Variants in SLFN12 observed in about 807,000 individuals in gnomAD.
The protein encoded by SLFN12 is schlafen family member 12, also known as ribonuclease SLFN12.
SLFN12 carries 25 observed loss-of-function variants against 29.1 expected under a neutral mutation model. The observed-to-expected ratio is 0.86, with a 90% CI of 0.63 to 1.20. The LOEUF (loss-of-function observed/expected upper bound fraction) is 1.20, where lower values mean the gene tolerates loss of function less well. SLFN12 is among the 50% of genes most tolerant of loss of function. The probability of loss-of-function intolerance (pLI) is 0.00; values close to 1 mark genes in which losing one functional copy is unlikely to be tolerated. For missense variants in SLFN12, 660 were observed against 666.2 expected (o/e 0.99, Z 0.10); for synonymous variants, 257 against 238.7 (o/e 1.08, Z -0.71).
chr17:35,427,428 G>T (rs1001709137), intron 1 of SLFN12, among the ~76,000 whole-genome samples: 1 of 151,970 alleles, frequency 6.6e-6, no homozygotes, highest in Non-Finnish European at 1.5e-5. Flanking sequence ...TTAAGATTTT[G>T]CACCCATGAT....
rs144358150 is a variant in SLFN12, at chr17:35,413,676, G to A, written c.1148-1749C>T. Among the ~76,000 whole-genome samples the A allele has an allele frequency of 1.9e-3, 291 of 151,480 alleles. 2 individuals carry two copies. Among genetic ancestry groups the A allele is most frequent in the Middle Eastern group, 3.4e-3 (1 of 292 alleles). On this transcript the variant is annotated intron_variant, in intron 3 of 3. Coordinates refer to ENST00000304905, the MANE Select transcript of SLFN12 (RefSeq NM_018042.5). ...AAGTAAGAGAATCGCTTGAACCCGG[G>A]AGGTGGAGGTTGCAGGGTGCCAAGA...
intron 1 of SLFN12, among the ~76,000 whole-genome samples, chr17:35,423,523 G>A (rs1258173210): frequency 6.6e-6 from 1 of 151,784 alleles, no homozygotes; most frequent in Non-Finnish European, 1.5e-5. Flanking sequence ...AAGATTTCCC[G>A]TTAAGGTCTA....
chr17:35,423,006 T>C lies in SLFN12; in HGVS notation c.23A>G (p.Glu8Gly). Residue 8 changes from glutamate to glycine, a missense_variant, in exon 2 of 4, where the codon GAA becomes GGA. By Grantham distance (98) the Glu-to-Gly change is moderately conservative. Coordinates refer to ENST00000304905, the MANE Select transcript of SLFN12 (RefSeq NM_018042.5). ...TAGAACCAACTCGGCATAATTCGTTTCCAAATCAACACTGATGTTCATTTT... is the reference window on the plus strand; with the variant it reads ...TAGAACCAACTCGGCATAATTCGTTCCCAAATCAACACTGATGTTCATTTT... The part of the protein sequence containing the change: MNISVDL[E>G]TNYAELVLDV... The C allele has an allele frequency of 1.9e-6, 3 of 1,611,962 alleles. No individual in the cohort carries two copies. Among genetic ancestry groups the C allele is most frequent in the Middle Eastern group, 1.7e-4 (1 of 6,050 alleles).
chr17:35,413,189 AG>A (rs1311030778), intron 3 of SLFN12, among the ~76,000 whole-genome samples: 5 of 152,118 alleles, frequency 3.3e-5, no homozygotes, highest in African/African-American at 1.2e-4. Context: ...ATATTTGAAG[AG>A]ATAAACAATT....
Position 35,422,224 on chromosome 17 carries a change from T to C in SLFN12, c.805A>G (p.Arg269Gly). 3 of 1,614,174 alleles carry C rather than the reference T, an allele frequency of 1.9e-6. No individual in the cohort carries two copies. Among genetic ancestry groups the C allele is most frequent in the Non-Finnish European group, 2.5e-6 (3 of 1,180,024 alleles). Residue 269 changes from arginine to glycine, a missense_variant, in exon 2 of 4, where the codon AGG (arginine) becomes GGG (glycine). Coordinates refer to ENST00000304905, the MANE Select transcript of SLFN12 (RefSeq NM_018042.5). Reference protein sequence around the residue: ...DLEREIEKSIRKMPVHHFCME... With the variant: ...DLEREIEKSIGKMPVHHFCME... ...CAGAAGTGATGCACAGGCATCTTCC[T>C]AATGGACTTTTCGATTTCTCTTTCT...
In SLFN12 at chr17:35,411,534, G is replaced by T; in HGVS notation, c.1541C>A (p.Ser514Ter). 1 of 1,613,978 alleles carries T rather than the reference G, an allele frequency of 6.2e-7. No homozygotes were observed. Among genetic ancestry groups the T allele is most frequent in the Non-Finnish European group, 8.5e-7 (1 of 1,179,982 alleles). The change falls in exon 4 of 4, where the codon TCG becomes TAG. Residue 514 changes from serine to a stop codon, truncating the protein, a stop_gained. Transcript: ENST00000304905. LOFTEE classifies it low-confidence loss of function (END_TRUNC). Reference sequence around the variant, plus strand: ...GTAGGATTCAGGGTAAATTACTTGCGACCTTAAATCATACTGGCAGCTTGT... The same window carrying T: ...GTAGGATTCAGGGTAAATTACTTGCTACCTTAAATCATACTGGCAGCTTGT... ...GMTSCQYDLR[S>*]QVIYPESYYF...
At chr17:35,432,608 G>C (rs1327129415), upstream of SLFN12, 1 of 152,144 alleles carries the variant, frequency 6.6e-6, no homozygotes, top group Non-Finnish European at 1.5e-5. Flanking sequence ...ACTTGGCCCT[G>C]GAGACCAGTC....
In SLFN12 at chr17:35,423,005, T is replaced by C. The variant is rs1255029743; in HGVS notation, c.24A>G (p.Glu8=). The change falls in exon 2 of 4, where the codon GAA becomes GAG. Residue 8 remains glutamate (E), a synonymous_variant. Transcript: ENST00000304905. ...CTAGAACCAACTCGGCATAATTCGT[T>C]TCCAAATCAACACTGATGTTCATTT... is the stretch of plus-strand genomic sequence containing the variant. MNISVDL[E]TNYAELVLDV... 1 of 1,611,996 alleles carries C rather than the reference T, an allele frequency of 6.2e-7. No homozygotes were observed. The highest frequency in any genetic ancestry group is 1.1e-5 in the South Asian group (1 of 90,860).
At position 35,411,185 on chromosome 17, in the gene SLFN12, T is replaced by G; in HGVS notation, c.*153A>C. 1 of 569,136 alleles carries G rather than the reference T, an allele frequency of 1.8e-6. No individual in the cohort carries two copies. The allele number at this position is 569,136 out of a possible 1,614,324, so 35.3% of individuals were successfully genotyped here. On this transcript the variant is annotated 3_prime_UTR_variant, in exon 4 of 4. Transcript: ENST00000304905. Reference sequence around the variant, plus strand: ...CCTCAAACAATATCTGTGAAGATTATTTAGGGAGAAGTGAAAATAGACAAA... The same window carrying G: ...CCTCAAACAATATCTGTGAAGATTAGTTAGGGAGAAGTGAAAATAGACAAA...
Position 35,422,270 on chromosome 17 carries a change from C to T in SLFN12, c.759G>A (p.Glu253=), listed in dbSNP as rs138504658. ...EDKEIIGFKA[E]MSDLDDLERE... is the part of the protein sequence containing the mutation. ...TTTCTAAGTCATCGAGGTCACTCAT[C>T]TCTGCTTTAAAGCCAATTATTTCTT... The change falls in exon 2 of 4, where the codon GAG becomes GAA. Residue 253 remains glutamate (E), a synonymous_variant. Coordinates refer to ENST00000304905, the MANE Select transcript of SLFN12 (RefSeq NM_018042.5). 1.9e-6 allele frequency: 3 copies of T among 1,613,960 alleles called. No individual in the cohort carries two copies. The highest frequency in any genetic ancestry group is 2.5e-6 in the Non-Finnish European group (3 of 1,180,002).
Position 35,411,673 on chromosome 17 carries a change from C to T in SLFN12, c.1402G>A (p.Gly468Ser). ...FHMVQDEEFKGYSTQTALTLK... is the reference protein window; with the variant it reads ...FHMVQDEEFKSYSTQTALTLK... ...GTTAGGGCAGTTTGTGTAGAATAGCCTTTAAACTCCTCATCCTGTACCATG... is the reference window on the plus strand; with the variant it reads ...GTTAGGGCAGTTTGTGTAGAATAGCTTTTAAACTCCTCATCCTGTACCATG... The change falls in exon 4 of 4, where the codon GGC becomes AGC. Residue 468 changes from glycine to serine, a missense_variant. Physicochemically the swap from Gly to Ser is moderately conservative, Grantham distance 56. Coordinates refer to ENST00000304905, the MANE Select transcript of SLFN12 (RefSeq NM_018042.5). The T allele has an allele frequency of 1.2e-6, 2 of 1,613,984 alleles. No individual in the cohort carries two copies. Among genetic ancestry groups the T allele is most frequent in the Non-Finnish European group, 1.7e-6 (2 of 1,179,994 alleles).
At chr17:35,417,717 T>C (rs1312215299) in intron 3 of SLFN12, among the ~76,000 whole-genome samples, 1 of 152,130 alleles carries the variant, frequency 6.6e-6, no homozygotes, top group Non-Finnish European at 1.5e-5. Context: ...TATTTGTTTA[T>C]ACAAAATGTA....
chr17:35,418,680 A>G (rs1263258691), intron 3 of SLFN12, among the ~76,000 whole-genome samples: 1 of 142,668 alleles, frequency 7.0e-6, no homozygotes, highest in East Asian at 2.0e-4. Context: ...CCGATTTTCG[A>G]CTGCACCTTT....
chr17:35,414,994 G>A (rs530475956), intron 3 of SLFN12, among the ~76,000 whole-genome samples: 32 of 150,532 alleles, frequency 2.1e-4, no homozygotes, highest in Admixed American at 8.6e-4. Flanking sequence ...ATCATTCTTC[G>A]CAGAACTAGA....
intron 1 of SLFN12, among the ~76,000 whole-genome samples, chr17:35,429,243 G>A (rs1264310192): frequency 6.6e-6 from 1 of 152,024 alleles, no homozygotes; most frequent in African/African-American, 2.4e-5. Context: ...ATACCACTGA[G>A]AAACTTGGAA....
rs1006527686 is a variant in SLFN12 at position 35,423,160 on chromosome 17, G to A, written c.-40-92C>T. ...GGCAAATGCAAAAAAATCCTGTGCT[G>A]TATATATTCTACTAGACTGGTAAGT... On this transcript the variant is annotated intron_variant, in intron 1 of 3. Transcript: ENST00000304905. The A allele has an allele frequency of 3.6e-6, 5 of 1,390,746 alleles. No homozygotes were observed. In the African/African-American group the frequency reaches 7.2e-5, roughly 20 times the overall value. The allele number at this position is 1,390,746 out of a possible 1,614,324, so 86.2% of individuals were successfully genotyped here.
At chr17:35,413,999 C>A (rs1487807298) in intron 3 of SLFN12, among the ~76,000 whole-genome samples, 1 of 151,944 alleles carries the variant, frequency 6.6e-6, no homozygotes, top group Non-Finnish European at 1.5e-5. Flanking sequence ...ACAGCAAAGA[C>A]CATATATAAA....
At chr17:35,420,072 C>T (rs1911533501) in intron 3 of SLFN12, among the ~76,000 whole-genome samples, 1 of 152,018 alleles carries the variant, frequency 6.6e-6, no homozygotes, top group Non-Finnish European at 1.5e-5. Context: ...TTCAAGTAAA[C>T]GAGTTTGTAT....
intron 3 of SLFN12, among the ~76,000 whole-genome samples, chr17:35,417,844 G>A (rs894853463): frequency 1.3e-5 from 2 of 151,388 alleles, no homozygotes; most frequent in Non-Finnish European, 2.9e-5. Context: ...ACAAGAAAAT[G>A]GAACTTTTAA....
Sources: allele counts gnomAD v4.1 joint callset (sites outside exome capture counted in the v4.1 genomes callset), GRCh38; gene constraint gnomAD v4.1.1; transcripts MANE v1.5; gene names NCBI Gene and HGNC (gene_info 2026-07-23, HGNC 2026-07-21).